The following ZSWIM5 variants were observed in gnomAD, a reference collection of about 807,000 sequenced individuals.
ZSWIM5 encodes the protein zinc finger SWIM domain-containing protein 5.
Under a neutral mutation model 119.6 loss-of-function variants are expected in ZSWIM5, and 55 were observed. The observed-to-expected ratio is 0.46, with a 90% CI of 0.37 to 0.58. The LOEUF (loss-of-function observed/expected upper bound fraction) is 0.58, where lower values mean the gene tolerates loss of function less well. Ranked by LOEUF, ZSWIM5 falls within the 20% of genes least tolerant of loss-of-function variation. The pLI, the probability that ZSWIM5 is intolerant of heterozygous loss-of-function variation, is 0.00. For missense variants in ZSWIM5, 1,193 were observed against 1,512.8 expected, an observed-to-expected ratio of 0.79 and a Z score of 3.51; for synonymous variants, 537 against 606.9, an observed-to-expected ratio of 0.88 and a Z score of 1.69.
rs1646194318 is a variant in ZSWIM5 at position 45,206,584 on chromosome 1, T to C, written c.-234A>G. 1 of 972,130 alleles carries C rather than the reference T, an allele frequency of 1.0e-6. No homozygotes were observed. The highest frequency in any genetic ancestry group is 1.2e-6 in the Non-Finnish European group (1 of 816,990). The allele number at this position is 972,130 out of a possible 1,614,324, so 60.2% of individuals were successfully genotyped here. On this transcript the variant is annotated 5_prime_UTR_variant, in exon 1 of 14. Coordinates refer to ENST00000359600, the MANE Select transcript of ZSWIM5 (RefSeq NM_020883.2). ...TAGCGTGAGGCGGCGCGCGGTGTCCTGGCCGCCGCGGACGCGAAGACAGGC... is the reference window on the plus strand; with the variant it reads ...TAGCGTGAGGCGGCGCGCGGTGTCCCGGCCGCCGCGGACGCGAAGACAGGC...
intron 3 of ZSWIM5, among the ~76,000 whole-genome samples, chr1:45,059,281 C>A (rs1322780251): frequency 2.0e-5 from 3 of 152,082 alleles, no homozygotes; most frequent in Admixed American, 6.6e-5. Context: ...CGTAGGGTAT[C>A]CACATTTTGA....
chr1:45,146,767 C>T (rs968670514), intron 1 of ZSWIM5, among the ~76,000 whole-genome samples: 2 of 152,048 alleles, frequency 1.3e-5, no homozygotes, highest in African/African-American at 4.8e-5. Flanking sequence ...CTCATATTGA[C>T]TATAAGCTCC....
intron 4 of ZSWIM5, 105 bp from the exon 5 acceptor site, chr1:45,051,358 A>G: frequency 1.6e-6 from 2 of 1,220,446 alleles, no homozygotes; most frequent in Non-Finnish European, 2.2e-6. Context: ...TTTCCAAAGC[A>G]TTATCTTTTC....
Position 45,019,375 on chromosome 1 carries a change from A to T in ZSWIM5, c.2696-59T>A. On this transcript the variant is annotated intron_variant, in intron 13 of 13. Transcript: ENST00000359600. This position sits in a 1 kb window ranked among gnomAD's most constrained non-coding sequence, Gnocchi z 5.0. ...TCTGGGTCCTGATTCAGGTCTACCC[A>T]GATTACCATTTGGGGTTTGAACTTG... The T allele has an allele frequency of 6.5e-7, 1 of 1,549,218 alleles. No homozygotes were observed. The highest frequency in any genetic ancestry group is 1.2e-5 in the South Asian group (1 of 82,410).
intron 4 of ZSWIM5, among the ~76,000 whole-genome samples, chr1:45,056,525 C>G (rs1324872284): frequency 6.6e-6 from 1 of 150,736 alleles, no homozygotes; most frequent in Admixed American, 6.6e-5. Flanking sequence ...ACCCAGGAGG[C>G]AGAGGTTGCA....
At chr1:45,114,341 TATAAA>T (rs1645534466) in intron 1 of ZSWIM5, among the ~76,000 whole-genome samples, 1 of 152,112 alleles carries the variant, frequency 6.6e-6, no homozygotes. Flanking sequence ...GTTATATTAA[TATAAA>T]ATAAAATAAA....
intron 2 of ZSWIM5, 77 bp from the exon 3 acceptor site, chr1:45,060,324 G>A: frequency 1.3e-6 from 2 of 1,507,584 alleles, no homozygotes; most frequent in South Asian, 2.4e-5. Flanking sequence ...CACTTTGTGA[G>A]CATATTCAAA....
chr1:45,032,488 GTTTT>G (rs34834480), intron 11 of ZSWIM5, among the ~76,000 whole-genome samples: 1 of 133,326 alleles, frequency 7.5e-6, no homozygotes. Context: ...GACAGTTTTT[GTTTT>G]TTTTTTTTTT....
intron 1 of ZSWIM5, among the ~76,000 whole-genome samples, chr1:45,116,755 A>T (rs1645560751): frequency 6.6e-6 from 1 of 151,814 alleles, no homozygotes; most frequent in African/African-American, 2.4e-5. Context: ...GTTTTTTTTT[A>T]AAGGATGATA....
At chr1:45,146,158 A>C (rs1645758177) in intron 1 of ZSWIM5, among the ~76,000 whole-genome samples, 1 of 152,198 alleles carries the variant, frequency 6.6e-6, no homozygotes, top group Non-Finnish European at 1.5e-5. Context: ...TTGCTACAAA[A>C]GACAGTAAAG....
At chr1:45,079,585 C>A (rs1219336287) in intron 2 of ZSWIM5, among the ~76,000 whole-genome samples, 1 of 152,082 alleles carries the variant, frequency 6.6e-6, no homozygotes, top group East Asian at 1.9e-4. Context: ...AATAAAGGAC[C>A]CCAAGAGGTC....
chr1:45,075,204 C>T (rs191479734), intron 2 of ZSWIM5, among the ~76,000 whole-genome samples: 88 of 152,000 alleles, frequency 5.8e-4, no homozygotes, highest in Admixed American at 1.8e-3. Flanking sequence ...CTGAAATGTT[C>T]GTAAATATCT....
intron 1 of ZSWIM5, among the ~76,000 whole-genome samples, chr1:45,136,343 TG>T (rs1325218513): frequency 2.6e-5 from 4 of 152,208 alleles, no homozygotes; most frequent in African/African-American, 9.6e-5. Context: ...TAATTTATCA[TG>T]GTTACAAAAT....
chr1:45,024,602 C>T (rs970609991), intron 11 of ZSWIM5, among the ~76,000 whole-genome samples: 25 of 152,070 alleles, frequency 1.6e-4, no homozygotes, highest in Middle Eastern at 3.4e-3. Context: ...CATTGTCAAA[C>T]CCCAAATCAC....
chr1:45,161,638 G>A lies in ZSWIM5; in HGVS notation c.595+44118C>T, dbSNP rs1321724164. Among the ~76,000 whole-genome samples the A allele has an allele frequency of 2.0e-5, 3 of 152,132 alleles. No homozygotes were observed. The East Asian group carries it at 5.8e-4, about 29-fold the overall frequency. On this transcript the variant is annotated intron_variant, in intron 1 of 13. Transcript: ENST00000359600. The stretch of plus-strand genomic sequence containing the variant: ...ATTGATTTTGAGTGGTAACTAAGAA[G>A]TGTGCACGTTCACTTTTCCCTATTG...
At chr1:45,087,450 C>T (rs1007379376) in intron 2 of ZSWIM5, among the ~76,000 whole-genome samples, 9 of 152,224 alleles carry the variant, frequency 5.9e-5, no homozygotes, top group African/African-American at 2.2e-4. Context: ...AATGCTAACA[C>T]ATGCTCCTTA....
At chr1:45,048,765 A>G (rs1387119364) in intron 5 of ZSWIM5, among the ~76,000 whole-genome samples, 2 of 152,036 alleles carry the variant, frequency 1.3e-5, no homozygotes, top group East Asian at 3.9e-4. Context: ...AAAAGAGGAG[A>G]TCAAATAATT....
intron 1 of ZSWIM5, among the ~76,000 whole-genome samples, chr1:45,134,891 T>C (rs542876256): frequency 6.6e-6 from 1 of 152,336 alleles, no homozygotes; most frequent in East Asian, 1.9e-4. Flanking sequence ...GGCTCATCCA[T>C]GTTGTAGCAT....
chr1:45,080,309 C>G (rs1359857848), intron 2 of ZSWIM5, among the ~76,000 whole-genome samples: 1 of 152,184 alleles, frequency 6.6e-6, no homozygotes, highest in Non-Finnish European at 1.5e-5. Context: ...GTTTGGACTG[C>G]TGGGACTGGC....
Sources: allele counts gnomAD v4.1 joint callset (sites outside exome capture counted in the v4.1 genomes callset), GRCh38; gene constraint gnomAD v4.1.1; non-coding constraint Gnocchi (gnomAD v3.1); transcripts MANE v1.5; gene names NCBI Gene and HGNC (gene_info 2026-07-23, HGNC 2026-07-21).